The following LIPI variants were observed in gnomAD, a reference collection of about 807,000 sequenced individuals.
LIPI encodes lipase member I.
LIPI carries 59 observed loss-of-function variants against 50.6 expected under a neutral mutation model. The observed-to-expected ratio is 1.16, with a 90% CI of 0.94 to 1.45. The LOEUF is 1.45. Among genes scored for constraint, LIPI ranks in the 40% most tolerant of loss-of-function variants. LIPI has a pLI of 0.00. For missense variants in LIPI, 586 were observed against 536.3 expected, an observed-to-expected ratio of 1.09 and a Z score of -0.92; for synonymous variants, 203 against 178.2, an observed-to-expected ratio of 1.14 and a Z score of -1.11.
At chr21:14,184,279 G>C (rs574254715) in intron 3 of LIPI, among the ~76,000 whole-genome samples, 1 of 152,134 alleles carries the variant, frequency 6.6e-6, no homozygotes, top group East Asian at 1.9e-4. Context: ...TGAACAGTGA[G>C]AACACATGGA....
At chr21:14,146,139 T>C (rs1465456129) in intron 8 of LIPI, among the ~76,000 whole-genome samples, 1 of 152,108 alleles carries the variant, frequency 6.6e-6, no homozygotes, top group East Asian at 1.9e-4. Context: ...GACTACAAAA[T>C]CTCTACCTTC....
chr21:14,123,939 G>A lies in LIPI; in HGVS notation c.1296-14859C>T, dbSNP rs115567105. ...TGTTCCTCACAAATCAATGATAATA[G>A]AAGAGCTGTTATGGAAATTACTGCC... On this transcript the variant is annotated intron_variant, in intron 9 of 9. Transcript: ENST00000681601. 1.1e-3 allele frequency among the ~76,000 whole-genome samples: 170 copies of A among 152,266 alleles called. 1 individual carries two copies. Among genetic ancestry groups the A allele is most frequent in the African/African-American group, 3.9e-3 (163 of 41,564 alleles).
At chr21:14,161,836 ATAAT>A (rs1245845680) in intron 7 of LIPI, among the ~76,000 whole-genome samples, 2,072 of 116,286 alleles carry the variant, frequency 0.018, 232 homozygotes, top group Admixed American at 0.023. Context: ...ATATTAATAT[ATAAT>A]ATATACATTA....
chr21:14,139,849 T>C (rs1055507844), intron 9 of LIPI, among the ~76,000 whole-genome samples: 11 of 152,132 alleles, frequency 7.2e-5, no homozygotes, highest in African/African-American at 1.9e-4. Context: ...ACAAAGGTTC[T>C]AAGGAGGATC....
At position 14,195,428 on chromosome 21, in the gene LIPI, T is replaced by TTATTTAAACTAAA. The variant is rs2019812208; in HGVS notation, c.47-6010_47-6009insTTTAGTTTAAATA. 4.6e-5 allele frequency among the ~76,000 whole-genome samples: 7 copies of TTATTTAAACTAAA among 152,126 alleles called. No homozygotes were observed. In the South Asian group the frequency reaches 1.4e-3, roughly 31 times the overall value. The stretch of plus-strand genomic sequence containing the variant: ...GATCCCCAGAATGGTCAGACTTTAG[T>TTATTTAAACTAAA]TTAAATGGCACTAAACCAAGTCTAG... On this transcript the variant is annotated intron_variant, in intron 1 of 9. Transcript: ENST00000681601.
chr21:14,207,707 G>T (rs1295063561), intron 1 of LIPI, among the ~76,000 whole-genome samples: 3 of 152,140 alleles, frequency 2.0e-5, no homozygotes, highest in African/African-American at 7.2e-5. Context: ...GTAACCCAGA[G>T]AATTCTCATA....
chr21:14,174,047 C>A (rs1226857589), intron 4 of LIPI, among the ~76,000 whole-genome samples: 1 of 152,074 alleles, frequency 6.6e-6, no homozygotes, highest in Non-Finnish European at 1.5e-5. Flanking sequence ...GTGAAATTTC[C>A]TCATATATGA....
At chr21:14,200,176 C>T (rs1021857245) in intron 1 of LIPI, among the ~76,000 whole-genome samples, 1 of 152,002 alleles carries the variant, frequency 6.6e-6, no homozygotes, top group African/African-American at 2.4e-5. Context: ...GAAAGCATTC[C>T]CCTTGAAAAC....
chr21:14,122,344 C>T (rs2016896085), intron 9 of LIPI, among the ~76,000 whole-genome samples: 1 of 152,198 alleles, frequency 6.6e-6, no homozygotes, highest in South Asian at 2.1e-4. Context: ...TGATCTAGGC[C>T]TCCTACCCTA....
rs1164432171 is a variant in LIPI at position 14,161,737 on chromosome 21, TTA to T, written c.1006+1680_1006+1681del. ...ATATTAATATATAATATATACATTATTATATATTAATATATAATATATACATT... is the reference window on the plus strand; with the variant it reads ...ATATTAATATATAATATATACATTATTATATTAATATATAATATATACATT... On this transcript the variant is annotated intron_variant, in intron 7 of 9. Coordinates refer to ENST00000681601, the MANE Select transcript of LIPI (RefSeq NM_001302998.2). Among the ~76,000 whole-genome samples, 430 of 76,344 alleles carry T rather than the reference TTA, an allele frequency of 5.6e-3. 66 individuals are homozygous for T. Among genetic ancestry groups the T allele is most frequent in the African/African-American group, 0.026 (412 of 15,570 alleles). The allele number at this position is 76,344 out of a possible 152,430, so 50.1% of individuals were successfully genotyped here.
chr21:14,172,938 A>G (rs994134209), intron 4 of LIPI, among the ~76,000 whole-genome samples: 1 of 152,210 alleles, frequency 6.6e-6, no homozygotes, highest in Non-Finnish European at 1.5e-5. Context: ...TTTATAGTGG[A>G]AGGAAACCAT....
At position 14,126,075 on chromosome 21, in the gene LIPI, G is replaced by A. The variant is rs78058257; in HGVS notation, c.1296-16995C>T. On this transcript the variant is annotated intron_variant, in intron 9 of 9. Coordinates refer to ENST00000681601, the MANE Select transcript of LIPI (RefSeq NM_001302998.2). The stretch of plus-strand genomic sequence containing the variant: ...AGGTGCAGTTTGGGTTTAGGAGAAC[G>A]TGGAGCTCTTACATTTTGCTGGTAG... 3.8e-3 allele frequency among the ~76,000 whole-genome samples: 573 copies of A among 152,178 alleles called. 4 individuals carry two copies. Among genetic ancestry groups the A allele is most frequent in the African/African-American group, 0.013 (525 of 41,494 alleles).
chr21:14,161,623 A>T lies in LIPI; in HGVS notation c.1006+1796T>A, dbSNP rs1468525071. 2.8e-4 allele frequency among the ~76,000 whole-genome samples: 32 copies of T among 112,914 alleles called. 1 individual carries two copies. The highest frequency in any genetic ancestry group is 9.7e-4 in the African/African-American group (26 of 26,868). 74.1% of individuals were successfully genotyped at this position (112,914 alleles called of 152,430 possible). A position where few individuals can be genotyped will look rare whatever the true frequency, so the allele number is the denominator to read the frequency against. ...TATTAATATATAATATACATATATA[A>T]TATATTAATATATAATATATACATT... is the stretch of plus-strand genomic sequence containing the variant. On this transcript the variant is annotated intron_variant, in intron 7 of 9. Coordinates refer to ENST00000681601, the MANE Select transcript of LIPI (RefSeq NM_001302998.2).
chr21:14,163,294 T>C, intron 7 of LIPI, 125 bp downstream of exon 7: 2 of 610,866 alleles, frequency 3.3e-6, no homozygotes, highest in East Asian at 2.9e-5. Flanking sequence ...CTATAGCAAA[T>C]TTTAAATTTG....
chr21:14,157,414 CAGAGGCCAATAAT>C (rs2018310459), intron 7 of LIPI, among the ~76,000 whole-genome samples: 1 of 151,826 alleles, frequency 6.6e-6, no homozygotes, highest in Non-Finnish European at 1.5e-5. Context: ...GCCATCTTGG[CAGAGGCCAATAAT>C]AGAGGCAGGA....
intron 9 of LIPI, among the ~76,000 whole-genome samples, chr21:14,109,670 A>G (rs2016325697): frequency 6.6e-6 from 1 of 152,056 alleles, no homozygotes; most frequent in African/African-American, 2.4e-5. Flanking sequence ...AAAGCTCATG[A>G]CCTTAGTAGC....
Position 14,170,812 on chromosome 21 carries a change from G to A in LIPI, c.644-4361C>T, listed in dbSNP as rs1272269580. Among the ~76,000 whole-genome samples, 4 of 151,564 alleles carry A rather than the reference G, an allele frequency of 2.6e-5. No individual in the cohort carries two copies. In the East Asian group the frequency reaches 7.7e-4, roughly 29 times the overall value. On this transcript the variant is annotated intron_variant, in intron 4 of 9. Coordinates refer to ENST00000681601, the MANE Select transcript of LIPI (RefSeq NM_001302998.2). Reference sequence around the variant, plus strand: ...CCCTTTGAAAACTGGCACAAGACAGGGGTGCCCTCTCTCACCACTCCTATT... The same window carrying A: ...CCCTTTGAAAACTGGCACAAGACAGAGGTGCCCTCTCTCACCACTCCTATT...
chr21:14,189,021 T>C lies in LIPI; in HGVS notation c.432+13A>G. 1 of 1,597,844 alleles carries C rather than the reference T, an allele frequency of 6.3e-7. No homozygotes were observed. Among genetic ancestry groups the C allele is most frequent in the Non-Finnish European group, 8.5e-7 (1 of 1,176,492 alleles). ...TGTATAGCATGTATAATACATAAAA[T>C]TCCCAGACTTACCAAAAGATTTTTA... On this transcript the variant is annotated intron_variant, in intron 2 of 9. Coordinates refer to ENST00000681601, the MANE Select transcript of LIPI (RefSeq NM_001302998.2).
At chr21:14,140,244 A>T (rs1234095684) in intron 9 of LIPI, among the ~76,000 whole-genome samples, 2 of 152,142 alleles carry the variant, frequency 1.3e-5, no homozygotes, top group African/African-American at 4.8e-5. Flanking sequence ...ATATTTTCAG[A>T]AGGTAGGAAC....
Sources: allele counts gnomAD v4.1 joint callset (sites outside exome capture counted in the v4.1 genomes callset), GRCh38; gene constraint gnomAD v4.1.1; transcripts MANE v1.5; gene names NCBI Gene and HGNC (gene_info 2026-07-23, HGNC 2026-07-21).